Variants in SORCS3 observed in about 807,000 individuals in gnomAD.
SORCS3 encodes the protein sortilin related VPS10 domain containing receptor 3.
A neutral mutation model predicts 146.3 loss-of-function variants in SORCS3; 57 were observed. The ratio of observed to expected loss-of-function variants is 0.39; its 90% CI spans 0.31 to 0.49. The LOEUF is 0.49. Among genes scored for constraint, SORCS3 ranks in the 20% least tolerant of loss-of-function variants. The pLI, the probability that SORCS3 is intolerant of heterozygous loss-of-function variation, is 0.92. For synonymous variants in SORCS3, 653 were observed against 618.5 expected, an observed-to-expected ratio of 1.06 and a Z score of -0.83; for missense variants, 1,341 against 1,575.5, an observed-to-expected ratio of 0.85 and a Z score of 2.52.
At chr10:104,874,885 G>A (rs1334640417) in intron 2 of SORCS3, among the ~76,000 whole-genome samples, 1 of 151,990 alleles carries the variant, frequency 6.6e-6, no homozygotes, top group African/African-American at 2.4e-5. Context: ...TTCTGCAGCC[G>A]CCTACCAGCA....
chr10:104,963,979 A>C (rs1033045440), intron 3 of SORCS3, among the ~76,000 whole-genome samples: 1 of 152,118 alleles, frequency 6.6e-6, no homozygotes, highest in Admixed American at 6.6e-5. Flanking sequence ...AAATACACCC[A>C]GAAACTGACC....
At chr10:105,130,265 A>G (rs2056009069) in intron 7 of SORCS3, among the ~76,000 whole-genome samples, 1 of 152,118 alleles carries the variant, frequency 6.6e-6, no homozygotes, top group Admixed American at 6.6e-5. Context: ...TGAGATCCCA[A>G]ATAATGTGCT....
intron 20 of SORCS3, among the ~76,000 whole-genome samples, chr10:105,242,453 T>TATATTTATATATTC (rs1449335934): frequency 1.8e-5 from 1 of 55,880 alleles, no homozygotes; most frequent in Non-Finnish European, 3.2e-5. Flanking sequence ...TATATATTTA[T>TATATTTATATATTC]ATATATTTAT....
chr10:105,261,032 A>G (rs10884125), intron 25 of SORCS3, among the ~76,000 whole-genome samples: 12,242 of 152,292 alleles, frequency 0.08, 679 homozygotes, highest in Admixed American at 0.15. Context: ...AATGCTTAAT[A>G]AATGTTAACC....
At chr10:104,967,531 T>C (rs2054832621) in intron 3 of SORCS3, among the ~76,000 whole-genome samples, 2 of 152,156 alleles carry the variant, frequency 1.3e-5, no homozygotes. Flanking sequence ...TCAGTCCCCT[T>C]TATGCCCACC....
At position 104,807,199 on chromosome 10, in the gene SORCS3, ATG is replaced by A. The variant is rs140889675; in HGVS notation, c.628-35582_628-35581del. On this transcript the variant is annotated intron_variant, in intron 1 of 26. Transcript: ENST00000369701. ...CCTTGCTCTCTGTGTGTGTGTGCGC[ATG>A]TGTGTGTGTGCGTGTGTGTGCATGC... is the stretch of plus-strand genomic sequence containing the variant. 1.6e-4 allele frequency among the ~76,000 whole-genome samples: 24 copies of A among 151,398 alleles called. No homozygotes were observed. In the East Asian group the frequency reaches 4.3e-3, roughly 27 times the overall value.
intron 1 of SORCS3, among the ~76,000 whole-genome samples, chr10:104,643,560 C>T (rs1008977496): frequency 2.6e-5 from 4 of 152,124 alleles, no homozygotes; most frequent in African/African-American, 9.7e-5. Context: ...ACAATGTGTG[C>T]CTTTGCAGGG....
chr10:105,252,408 T>C (rs895832073), intron 22 of SORCS3, among the ~76,000 whole-genome samples: 8 of 152,228 alleles, frequency 5.3e-5, no homozygotes, highest in African/African-American at 1.7e-4. Context: ...ATGACTTCTT[T>C]TTCCTCATTT....
chr10:104,954,784 CTG>C (rs2019469599), intron 3 of SORCS3, among the ~76,000 whole-genome samples: 1 of 152,100 alleles, frequency 6.6e-6, no homozygotes, highest in Non-Finnish European at 1.5e-5. Context: ...TTTAGATTGA[CTG>C]TTATTATTAT....
At chr10:105,124,666 T>C (rs187764528) in intron 7 of SORCS3, among the ~76,000 whole-genome samples, 1 of 152,308 alleles carries the variant, frequency 6.6e-6, no homozygotes, top group East Asian at 1.9e-4. Flanking sequence ...TTAATCTCCA[T>C]GCTTTCCTCC....
chr10:104,947,860 C>T (rs191955584), intron 3 of SORCS3, among the ~76,000 whole-genome samples: 103 of 152,200 alleles, frequency 6.8e-4, no homozygotes, highest in Non-Finnish European at 1.2e-3. Context: ...AGTGATCCTC[C>T]TGCCTCGGCC....
At chr10:105,084,126 C>G (rs2055643238) in intron 5 of SORCS3, among the ~76,000 whole-genome samples, 1 of 152,124 alleles carries the variant, frequency 6.6e-6, no homozygotes, top group African/African-American at 2.4e-5. Flanking sequence ...GAGGATTAAA[C>G]AAAATCAACA....
intron 3 of SORCS3, among the ~76,000 whole-genome samples, chr10:104,933,187 G>C (rs1285596871): frequency 6.6e-6 from 1 of 152,226 alleles, no homozygotes; most frequent in African/African-American, 2.4e-5. Flanking sequence ...TCATGTGATA[G>C]AGTCTCAGGG....
Position 105,258,965 on chromosome 10 carries a change from A to G in SORCS3, c.3443+2041A>G, listed in dbSNP as rs372638889. Among the ~76,000 whole-genome samples, 28 of 152,096 alleles carry G rather than the reference A, an allele frequency of 1.8e-4. 1 individual carries two copies. In the East Asian group the frequency reaches 3.3e-3, roughly 18 times the overall value. ...CCAATGCTTAAGCCCTTTGGTTGAAATTCTGTGGGATTTTCTTTTATTTTT... is the reference window on the plus strand; with the variant it reads ...CCAATGCTTAAGCCCTTTGGTTGAAGTTCTGTGGGATTTTCTTTTATTTTT... On this transcript the variant is annotated intron_variant, in intron 25 of 26. Transcript: ENST00000369701.
At chr10:104,770,544 G>C (rs1251141691) in intron 1 of SORCS3, among the ~76,000 whole-genome samples, 1 of 152,106 alleles carries the variant, frequency 6.6e-6, no homozygotes, top group East Asian at 1.9e-4. Flanking sequence ...AGAACACTGG[G>C]CATAGGGGTT....
At chr10:105,022,600 G>A (rs976821833) in intron 4 of SORCS3, among the ~76,000 whole-genome samples, 2 of 152,020 alleles carry the variant, frequency 1.3e-5, no homozygotes, top group African/African-American at 2.4e-5. Context: ...TTTTTTAGAA[G>A]CAATTCTCAA....
intron 2 of SORCS3, among the ~76,000 whole-genome samples, chr10:104,893,282 C>T (rs1325850160): frequency 1.3e-5 from 2 of 152,194 alleles, no homozygotes; most frequent in Non-Finnish European, 2.9e-5. Context: ...TAACGTAATG[C>T]AAGGCTGATG....
chr10:104,677,692 G>A (rs190009172), intron 1 of SORCS3, among the ~76,000 whole-genome samples: 1 of 152,190 alleles, frequency 6.6e-6, no homozygotes, highest in Non-Finnish European at 1.5e-5. Context: ...ACGAAATGTG[G>A]CAGGAATGAG....
intron 3 of SORCS3, among the ~76,000 whole-genome samples, chr10:104,973,781 T>C (rs1312067596): frequency 3.4e-5 from 5 of 146,066 alleles, no homozygotes; most frequent in Non-Finnish European, 7.4e-5. Flanking sequence ...CTTTTAATTG[T>C]GATGTTAGGG....
Sources: gnomAD v4.1 joint callset for allele counts (sites outside exome capture counted in the v4.1 genomes callset) on GRCh38, gnomAD v4.1.1 for gene constraint, MANE v1.5 for transcripts, NCBI Gene and HGNC (gene_info 2026-07-23, HGNC 2026-07-21) for gene names.